Variants in CATSPERB observed in about 807,000 individuals in gnomAD.
The protein encoded by CATSPERB is cation channel sperm-associated auxiliary subunit beta.
In CATSPERB, 93 loss-of-function variants were observed where a neutral mutation model predicts 128.3. The ratio of observed to expected loss-of-function variants is 0.72; its 90% confidence interval spans 0.61 to 0.86. The LOEUF (loss-of-function observed/expected upper bound fraction) is 0.86. Among genes scored for constraint, CATSPERB ranks in the 40% least tolerant of loss-of-function variants. The pLI is 0.00. For synonymous variants in CATSPERB, 381 were observed against 448.8 expected, an observed-to-expected ratio of 0.85 and a Z score of 1.91; for missense variants, 1,153 against 1,329.5, an observed-to-expected ratio of 0.87 and a Z score of 2.06.
At chr14:91,663,442 G>A (rs935077656) in intron 14 of CATSPERB, among the ~76,000 whole-genome samples, 4 of 151,992 alleles carry the variant, frequency 2.6e-5, no homozygotes, top group African/African-American at 4.8e-5. Flanking sequence ...TCAGGAGATC[G>A]AGACCATCCT....
chr14:91,654,040 G>A (rs1347291607), intron 15 of CATSPERB, among the ~76,000 whole-genome samples: 1 of 152,126 alleles, frequency 6.6e-6, no homozygotes, highest in Non-Finnish European at 1.5e-5. Context: ...GAAACAGGAA[G>A]AGTGGGAAGA....
chr14:91,626,572 C>A (rs1164071815), intron 17 of CATSPERB, among the ~76,000 whole-genome samples: 1 of 151,920 alleles, frequency 6.6e-6, no homozygotes, highest in East Asian at 1.9e-4. Flanking sequence ...AGAATGAATT[C>A]AGTCCCTTCC....
chr14:91,608,217 T>C (rs933578412), intron 22 of CATSPERB, 77 bp downstream of exon 22: 10 of 888,492 alleles, frequency 1.1e-5, no homozygotes, highest in Middle Eastern at 6.0e-4. Context: ...TTAACACTTA[T>C]AGCTATATAT....
Position 91,592,284 on chromosome 14 carries a change from T to C in CATSPERB, c.2710-282A>G, listed in dbSNP as rs192664809. The C allele has an allele frequency of 1.5e-5, 6 of 410,752 alleles. No homozygotes were observed. The Admixed American group carries it at 1.7e-4, about 11-fold the overall frequency. The allele number at this position is 410,752 out of a possible 1,614,324, so 25.4% of individuals were successfully genotyped here. On this transcript the variant is annotated intron_variant, in intron 22 of 26. Transcript: ENST00000256343. ...AGAAAGCCTGTGTCATTCTGAATTCTGCATCCCAGGACTACCAAACTAACT... is the reference window on the plus strand; with the variant it reads ...AGAAAGCCTGTGTCATTCTGAATTCCGCATCCCAGGACTACCAAACTAACT...
chr14:91,635,339 G>A (rs1405451676), intron 17 of CATSPERB, among the ~76,000 whole-genome samples: 1 of 149,442 alleles, frequency 6.7e-6, no homozygotes, highest in Non-Finnish European at 1.5e-5. Context: ...GTAGATTTGG[G>A]GGTTATATAA....
At chr14:91,731,407 A>G (rs1386474921) in intron 1 of CATSPERB, among the ~76,000 whole-genome samples, 1 of 152,186 alleles carries the variant, frequency 6.6e-6, no homozygotes, top group Non-Finnish European at 1.5e-5. Flanking sequence ...GAGTAAAAAC[A>G]TAGACTTTAG....
At chr14:91,613,211 G>A (rs1024648571) in intron 20 of CATSPERB, among the ~76,000 whole-genome samples, 1 of 152,016 alleles carries the variant, frequency 6.6e-6, no homozygotes, top group Non-Finnish European at 1.5e-5. Flanking sequence ...AAATACCTCA[G>A]AATACAAACA....
chr14:91,586,546 G>GGATGA (rs1555358762), intron 26 of CATSPERB, among the ~76,000 whole-genome samples: 1 of 117,922 alleles, frequency 8.5e-6, no homozygotes, highest in East Asian at 2.6e-4. Context: ...GGCCGGAACA[G>GGATGA]GAGAGAGAGA....
At chr14:91,633,523 T>C (rs1894313823) in intron 17 of CATSPERB, among the ~76,000 whole-genome samples, 1 of 152,082 alleles carries the variant, frequency 6.6e-6, no homozygotes, top group Admixed American at 6.5e-5. Context: ...ACTTCCTACA[T>C]GAACATAGAT....
chr14:91,605,947 G>A (rs1383872890), intron 22 of CATSPERB, among the ~76,000 whole-genome samples: 4 of 152,116 alleles, frequency 2.6e-5, no homozygotes, highest in Non-Finnish European at 4.4e-5. Context: ...AGGCCGAGGC[G>A]GGCGGATCCC....
At position 91,639,079 on chromosome 14, in the gene CATSPERB, ATGCATTATATACTGAC is replaced by A; in HGVS notation, c.1587+1_1587+16del. On this transcript the variant is annotated splice_donor_variant and splice_donor_5th_base_variant and intron_variant, in intron 16 of 26. Transcript: ENST00000256343. LOFTEE classifies it high-confidence loss of function. ...TCTTAAAATAAGGCAAACTGTTTCA[ATGCATTATATACTGAC>A]CTGTCCAAAAAGATTTCTAGAATTT... 6.2e-7 allele frequency: 1 copy of A among 1,602,748 alleles called. No individual in the cohort carries two copies. The highest frequency in any genetic ancestry group is 1.1e-5 in the South Asian group (1 of 88,838).
intron 5 of CATSPERB, among the ~76,000 whole-genome samples, chr14:91,716,487 A>G (rs1277385895): frequency 1.3e-5 from 2 of 152,106 alleles, no homozygotes; most frequent in Non-Finnish European, 2.9e-5. Context: ...CTGAGGCAGG[A>G]GAATCACTTG....
intron 5 of CATSPERB, among the ~76,000 whole-genome samples, chr14:91,717,323 T>C (rs1895959939): frequency 6.6e-6 from 1 of 152,166 alleles, no homozygotes. Context: ...CCCATAGAAC[T>C]GGACACCAAA....
intron 15 of CATSPERB, among the ~76,000 whole-genome samples, chr14:91,646,715 C>A (rs898365276): frequency 6.6e-6 from 1 of 152,364 alleles, no homozygotes; most frequent in South Asian, 2.1e-4. Flanking sequence ...CCTCTCCAAT[C>A]TCACACTTTT....
At chr14:91,700,508 G>A (rs1895628895) in intron 7 of CATSPERB, among the ~76,000 whole-genome samples, 1 of 152,102 alleles carries the variant, frequency 6.6e-6, no homozygotes, top group Non-Finnish European at 1.5e-5. Flanking sequence ...TGCATGTCTA[G>A]TAGAATTTGG....
At chr14:91,684,964 T>C (rs1376307394) in intron 10 of CATSPERB, among the ~76,000 whole-genome samples, 1 of 152,030 alleles carries the variant, frequency 6.6e-6, no homozygotes, top group East Asian at 1.9e-4. Flanking sequence ...CCTGGCTCTG[T>C]CACCCAGGCT....
At chr14:91,718,347 A>G (rs1895975700) in intron 5 of CATSPERB, among the ~76,000 whole-genome samples, 1 of 152,176 alleles carries the variant, frequency 6.6e-6, no homozygotes, top group Non-Finnish European at 1.5e-5. Flanking sequence ...TATCTTTGAC[A>G]CTTTTTTTAT....
chr14:91,709,792 T>C (rs1292932606), intron 5 of CATSPERB: 1 of 152,284 alleles, frequency 6.6e-6, no homozygotes, highest in Non-Finnish European at 1.5e-5. Flanking sequence ...ATGTGGTTTC[T>C]ATAGTGGTAC....
intron 22 of CATSPERB, among the ~76,000 whole-genome samples, chr14:91,597,281 T>C (rs961203346): frequency 2.6e-5 from 4 of 152,194 alleles, no homozygotes; most frequent in African/African-American, 9.6e-5. Context: ...TTACAGGTCA[T>C]TGTAAAGTCA....
Sources: gnomAD v4.1 joint callset for allele counts (sites outside exome capture counted in the v4.1 genomes callset) on GRCh38, gnomAD v4.1.1 for gene constraint, MANE v1.5 for transcripts, NCBI Gene and HGNC (gene_info 2026-07-23, HGNC 2026-07-21) for gene names.